WDR31: variants seen among roughly 807,000 people sequenced by gnomAD.
The protein encoded by WDR31 is WD repeat-containing protein 31.
In WDR31, 30 loss-of-function variants were observed where a neutral mutation model predicts 47.3. That is an observed-to-expected ratio of 0.63 (90% confidence interval 0.47 to 0.86). WDR31 has a LOEUF of 0.86. WDR31 is among the 40% of genes least tolerant of loss of function. The pLI is 0.00. For missense variants in WDR31, 406 were observed against 442.9 expected (o/e 0.92, Z 0.75); for synonymous variants, 137 against 159.4 (o/e 0.86, Z 1.06).
intron 4 of WDR31, among the ~76,000 whole-genome samples, chr9:113,330,509 GAGGA>G (rs1833573499): frequency 6.6e-6 from 1 of 152,200 alleles, no homozygotes; most frequent in South Asian, 2.1e-4. Flanking sequence ...GTGAGAATGG[GAGGA>G]AGGAAGACAA....
intron 5 of WDR31, among the ~76,000 whole-genome samples, chr9:113,327,791 T>G (rs1833510936): frequency 6.6e-6 from 1 of 152,142 alleles, no homozygotes; most frequent in African/African-American, 2.4e-5. Flanking sequence ...ATCTCTACTA[T>G]AAATATAAAA....
At chr9:113,327,858 A>AAG (rs1833511966) in intron 5 of WDR31, among the ~76,000 whole-genome samples, 1 of 152,224 alleles carries the variant, frequency 6.6e-6, no homozygotes, top group East Asian at 1.9e-4. Context: ...TGGCCAAGGC[A>AAG]GAAGAATAGC....
chr9:113,337,772 G>A (rs1019353552), intron 1 of WDR31, among the ~76,000 whole-genome samples: 2 of 152,080 alleles, frequency 1.3e-5, no homozygotes, highest in African/African-American at 4.8e-5. Flanking sequence ...AGCCACATCG[G>A]AGCATTTTGG....
intron 1 of WDR31, among the ~76,000 whole-genome samples, chr9:113,337,470 T>C (rs1833741566): frequency 6.6e-6 from 1 of 151,408 alleles, no homozygotes; most frequent in South Asian, 2.1e-4. Context: ...TTGGATTTTT[T>C]TTTTTTTTTT....
At chr9:113,323,954 GCT>G (rs547742816) in intron 5 of WDR31, among the ~76,000 whole-genome samples, 74 of 152,160 alleles carry the variant, frequency 4.9e-4, no homozygotes, top group East Asian at 2.1e-3. Context: ...CCCAACTCCT[GCT>G]CTGTTTGTTT....
intron 5 of WDR31, 81 bp from the exon 6 acceptor site, chr9:113,323,236 T>G: frequency 3.6e-6 from 5 of 1,407,768 alleles, no homozygotes; most frequent in South Asian, 1.3e-5. Flanking sequence ...GAAAGATGAG[T>G]CTGCATAACT....
intron 2 of WDR31, among the ~76,000 whole-genome samples, chr9:113,335,831 G>A (rs1029691962): frequency 6.6e-6 from 1 of 152,134 alleles, no homozygotes; most frequent in African/African-American, 2.4e-5. Flanking sequence ...GACACTATAC[G>A]AAATGATTTT....
intron 5 of WDR31, 122 bp from the exon 6 acceptor site, chr9:113,323,277 T>G: frequency 7.8e-7 from 1 of 1,289,406 alleles, no homozygotes; most frequent in South Asian, 1.5e-5. Flanking sequence ...TTTCTTTTTT[T>G]TTGAGACGGA....
At chr9:113,321,648 T>A in intron 7 of WDR31, 70 bp from the exon 8 acceptor site, 1 of 1,430,448 alleles carries the variant, frequency 7.0e-7, no homozygotes, top group Non-Finnish European at 9.8e-7. Flanking sequence ...CTGTCAAATG[T>A]GCTAACTAGC....
At chr9:113,330,115 T>A (rs867597515) in intron 4 of WDR31, among the ~76,000 whole-genome samples, 2 of 152,158 alleles carry the variant, frequency 1.3e-5, no homozygotes, top group African/African-American at 2.4e-5. Flanking sequence ...TATTATTATT[T>A]TTTGAGACAG....
chr9:113,330,065 T>C (rs960769516), intron 4 of WDR31, among the ~76,000 whole-genome samples: 3 of 152,160 alleles, frequency 2.0e-5, no homozygotes, highest in African/African-American at 7.2e-5. Flanking sequence ...CAAATGGAAT[T>C]TGAAGATTCT....
intron 5 of WDR31, among the ~76,000 whole-genome samples, chr9:113,325,383 T>C (rs1411233545): frequency 6.6e-6 from 1 of 152,232 alleles, no homozygotes; most frequent in Non-Finnish European, 1.5e-5. Context: ...ATCTTGTTCC[T>C]TCCATCTTTT....
chr9:113,339,323 G>A (rs1003235662), intron 1 of WDR31, among the ~76,000 whole-genome samples: 1 of 152,196 alleles, frequency 6.6e-6, no homozygotes, highest in African/African-American at 2.4e-5. Context: ...GAAGGTCACA[G>A]GGGCAGAGCC....
intron 7 of WDR31, among the ~76,000 whole-genome samples, 174 bp downstream of exon 7, chr9:113,322,637 G>T (rs1188341348): frequency 1.3e-5 from 2 of 152,064 alleles, no homozygotes; most frequent in Non-Finnish European, 2.9e-5. Context: ...AGACTCAAGG[G>T]AACATCTAAT....
rs985486642 is a variant in WDR31, at chr9:113,327,445, GCA to G, written c.324+1434_324+1435del. 7.1e-5 allele frequency among the ~76,000 whole-genome samples: 10 copies of G among 141,110 alleles called. No homozygotes were observed. In the South Asian group the frequency reaches 1.7e-3, roughly 23 times the overall value. 92.6% of individuals were successfully genotyped at this position (141,110 alleles called of 152,430 possible). A position where few individuals can be genotyped will look rare whatever the true frequency, so the allele number is the denominator to read the frequency against. ...CACACACACACACACACACACACGT[GCA>G]CACACACACAAGTGCATGCACACAC... On this transcript the variant is annotated intron_variant, in intron 5 of 10. Coordinates refer to ENST00000374193, the MANE Select transcript of WDR31 (RefSeq NM_001012361.4).
chr9:113,339,110 C>G (rs1360054638), intron 1 of WDR31, among the ~76,000 whole-genome samples: 2 of 152,188 alleles, frequency 1.3e-5, no homozygotes, highest in Non-Finnish European at 2.9e-5. Context: ...AACCAGGCCT[C>G]GGTCTGAATC....
Position 113,316,769 on chromosome 9 carries a change from G to A in WDR31, c.1084C>T (p.Gln362Ter). ...RMDHSQGLEL[Q>*]EVAAF ...TGGCCTCAGAATGCTGCCACTTCCT[G>A]CAGTTCCAGCCCTTGGCTGTGGTCC... Residue 362 changes from glutamine (Q) to a stop codon, truncating the protein, a stop_gained, in exon 11 of 11, where the codon CAG (glutamine) becomes TAG (stop). Transcript: ENST00000374193. LOFTEE classifies it high-confidence loss of function. The A allele has an allele frequency of 1.9e-6, 3 of 1,613,958 alleles. No individual in the cohort carries two copies. The highest frequency in any genetic ancestry group is 2.5e-6 in the Non-Finnish European group (3 of 1,179,938).
chr9:113,336,760 T>C (rs956746693), intron 1 of WDR31, among the ~76,000 whole-genome samples: 2 of 152,340 alleles, frequency 1.3e-5, no homozygotes, highest in East Asian at 3.9e-4. Context: ...TAAATAATTC[T>C]CCTAGAATTT....
chr9:113,328,859 A>G, intron 5 of WDR31, 22 bp downstream of exon 5: 1 of 1,592,242 alleles, frequency 6.3e-7, no homozygotes, highest in Non-Finnish European at 8.6e-7. Context: ...GATTGCCTTC[A>G]TAATAATCAT....
Sources: allele counts gnomAD v4.1 joint callset (sites outside exome capture counted in the v4.1 genomes callset), GRCh38; gene constraint gnomAD v4.1.1; transcripts MANE v1.5; gene names NCBI Gene and HGNC (gene_info 2026-07-23, HGNC 2026-07-21).